Variants in RPS6KC1 observed in about 807,000 individuals in gnomAD.
The protein encoded by RPS6KC1 is inactive ribosomal protein S6 kinase delta-1.
Under a neutral mutation model 103.8 loss-of-function variants are expected in RPS6KC1, and 54 were observed. That is an observed-to-expected ratio of 0.52 (90% confidence interval 0.42 to 0.65). The LOEUF (loss-of-function observed/expected upper bound fraction) is 0.65. RPS6KC1 is among the 30% of genes least tolerant of loss of function. RPS6KC1 has a pLI of 0.00. For synonymous variants in RPS6KC1, 439 were observed against 438.7 expected, an observed-to-expected ratio of 1.00 and a Z score of -0.01; for missense variants, 1,151 against 1,253.8, an observed-to-expected ratio of 0.92 and a Z score of 1.24.
the RPS6KC1 span, among the ~76,000 whole-genome samples, chr1:213,367,604 C>T: frequency 3.3e-5 from 5 of 152,166 alleles, no homozygotes; most frequent in Admixed American, 6.5e-5. Flanking sequence ...AAGGCGCTTA[C>T]CCCAGAATGC....
At chr1:213,505,144 C>G in the RPS6KC1 span, among the ~76,000 whole-genome samples, 1 of 152,192 alleles carries the variant, frequency 6.6e-6, no homozygotes, top group African/African-American at 2.4e-5. Flanking sequence ...CAAGTATCCC[C>G]TGAGATCCTA....
intron 2 of RPS6KC1, among the ~76,000 whole-genome samples, chr1:213,077,453 C>T (rs373079312): frequency 7.2e-5 from 11 of 152,086 alleles, no homozygotes; most frequent in African/African-American, 1.9e-4. Flanking sequence ...GAAGAATTGC[C>T]GCTTTATATG....
the RPS6KC1 span, among the ~76,000 whole-genome samples, chr1:213,588,071 G>A: frequency 2.0e-5 from 3 of 152,072 alleles, no homozygotes; most frequent in African/African-American, 7.2e-5. Flanking sequence ...GGGCCAATAA[G>A]CTCCCTCAGG....
chr1:213,456,151 TG>T, the RPS6KC1 span, among the ~76,000 whole-genome samples: 2 of 152,212 alleles, frequency 1.3e-5, no homozygotes, highest in African/African-American at 2.4e-5. Flanking sequence ...GGATTAGTTT[TG>T]TGCTCAAAAC....
At chr1:213,830,911 A>T in the RPS6KC1 span, among the ~76,000 whole-genome samples, 1 of 152,244 alleles carries the variant, frequency 6.6e-6, no homozygotes, top group South Asian at 2.1e-4. Context: ...TGCTGTTGAC[A>T]GTGGGTTCTG....
At chr1:213,797,580 C>T in the RPS6KC1 span, among the ~76,000 whole-genome samples, 7,438 of 152,190 alleles carry the variant, frequency 0.049, 285 homozygotes, top group East Asian at 0.2. Context: ...CACGGGAAGT[C>T]CTTAAGAAAG....
At chr1:213,499,918 C>G in the RPS6KC1 span, among the ~76,000 whole-genome samples, 8 of 152,128 alleles carry the variant, frequency 5.3e-5, no homozygotes, top group Non-Finnish European at 1.2e-4. Context: ...AACACACATA[C>G]CATAAATGGA....
the RPS6KC1 span, among the ~76,000 whole-genome samples, chr1:213,417,523 C>G: frequency 6.6e-6 from 1 of 152,050 alleles, no homozygotes; most frequent in African/African-American, 2.4e-5. Flanking sequence ...AAGGTGCAGC[C>G]CCCAGACCCT....
chr1:213,414,482 G>T, the RPS6KC1 span, among the ~76,000 whole-genome samples: 1 of 152,184 alleles, frequency 6.6e-6, no homozygotes, highest in Admixed American at 6.5e-5. Flanking sequence ...TGAAGAAGGA[G>T]GCAGAGATTG....
the RPS6KC1 span, among the ~76,000 whole-genome samples, chr1:213,487,799 G>T: frequency 6.6e-6 from 1 of 152,064 alleles, no homozygotes; most frequent in South Asian, 2.1e-4. Context: ...GACAAGCAAA[G>T]CACCTAGAAT....
chr1:213,246,016 C>T (rs1013971563), intron 12 of RPS6KC1, among the ~76,000 whole-genome samples: 2 of 152,016 alleles, frequency 1.3e-5, no homozygotes, highest in African/African-American at 4.8e-5. Flanking sequence ...TTAAAGAAAA[C>T]AAATCCAACA....
chr1:213,611,480 A>G, the RPS6KC1 span, among the ~76,000 whole-genome samples: 2 of 152,176 alleles, frequency 1.3e-5, no homozygotes, highest in Admixed American at 1.3e-4. Context: ...TCACTCTGCA[A>G]TGGAGTATTT....
intron 12 of RPS6KC1, among the ~76,000 whole-genome samples, chr1:213,256,238 C>T (rs1018276520): frequency 6.6e-6 from 1 of 151,958 alleles, no homozygotes; most frequent in Non-Finnish European, 1.5e-5. Context: ...GAAAGAAAGT[C>T]AATGGGGAAG....
the RPS6KC1 span, among the ~76,000 whole-genome samples, chr1:213,854,562 TTCTCTC>T: frequency 3.0e-4 from 37 of 122,614 alleles, no homozygotes; most frequent in African/African-American, 1.1e-3. Flanking sequence ...CTTTCTTTCT[TTCTCTC>T]TCTCTCTCTC....
chr1:213,444,408 G>A, the RPS6KC1 span, among the ~76,000 whole-genome samples: 1 of 152,148 alleles, frequency 6.6e-6, no homozygotes, highest in African/African-American at 2.4e-5. Flanking sequence ...CCCCAGTTAA[G>A]CTGGTTTCTA....
intron 8 of RPS6KC1, among the ~76,000 whole-genome samples, chr1:213,194,993 T>G (rs991674514): frequency 6.6e-6 from 1 of 152,124 alleles, no homozygotes; most frequent in African/African-American, 2.4e-5. Context: ...GATGCCAGTG[T>G]TTAGATTAGA....
intron 9 of RPS6KC1, 67 bp downstream of exon 9, chr1:213,230,611 G>A: frequency 1.8e-6 from 2 of 1,133,070 alleles, no homozygotes; most frequent in East Asian, 5.0e-5. Flanking sequence ...GAGATAGGCA[G>A]GTCACCTAAG....
the RPS6KC1 span, among the ~76,000 whole-genome samples, chr1:213,301,281 C>G: frequency 6.6e-6 from 1 of 152,178 alleles, no homozygotes; most frequent in Non-Finnish European, 1.5e-5. Context: ...GAAGGAATGT[C>G]AAGGCCTTTT....
intron 3 of RPS6KC1, among the ~76,000 whole-genome samples, chr1:213,095,687 C>T (rs941198105): frequency 6.6e-6 from 1 of 152,168 alleles, no homozygotes; most frequent in Non-Finnish European, 1.5e-5. Context: ...GTGAGTCACA[C>T]AGAATATTTT....
Sources: allele counts gnomAD v4.1 joint callset (sites outside exome capture counted in the v4.1 genomes callset), GRCh38; gene constraint gnomAD v4.1.1; transcripts MANE v1.5; gene names NCBI Gene and HGNC (gene_info 2026-07-23, HGNC 2026-07-21).